Variants in ARFIP1 observed in about 807,000 individuals in gnomAD.
ARFIP1 encodes the protein ARF interacting protein 1, also known as arfaptin-1.
ARFIP1 carries 24 observed loss-of-function variants against 42.5 expected under a neutral mutation model. That is an observed-to-expected ratio of 0.57 (90% CI 0.41 to 0.80). The LOEUF (loss-of-function observed/expected upper bound fraction) is 0.80, where lower values mean the gene tolerates loss of function less well. Ranked by LOEUF, ARFIP1 falls within the 30% of genes least tolerant of loss-of-function variation. ARFIP1 has a pLI of 0.00. For synonymous variants in ARFIP1, 141 were observed against 153.7 expected (o/e 0.92, Z 0.61); for missense variants, 354 against 434.0 (o/e 0.82, Z 1.64).
In ARFIP1 at chr4:152,851,138, G is replaced by A. The variant is rs1273906273; in HGVS notation, c.94-12468G>A. Among the ~76,000 whole-genome samples the A allele has an allele frequency of 2.0e-5, 3 of 152,200 alleles. 1 individual carries two copies. The highest frequency in any genetic ancestry group is 4.1e-4 in the South Asian group (2 of 4,828). On this transcript the variant is annotated intron_variant, in intron 2 of 8. Coordinates refer to ENST00000353617, the MANE Select transcript of ARFIP1 (RefSeq NM_001025595.3). ...AAATTTCTTGCCAAATGAAGTAATA[G>A]ACACTCTGCTAGATGTCAAGAATAC...
At chr4:152,868,749 T>C (rs1734619501) in intron 3 of ARFIP1, among the ~76,000 whole-genome samples, 1 of 152,196 alleles carries the variant, frequency 6.6e-6, no homozygotes, top group South Asian at 2.1e-4. Context: ...TTAGAATCCC[T>C]TATGCCTTGG....
At chr4:152,808,283 ATTTTTTTTTTTTTTTT>A (rs61135783) in intron 1 of ARFIP1, among the ~76,000 whole-genome samples, 277 of 20,322 alleles carry the variant, frequency 0.014, 6 homozygotes, top group Middle Eastern at 0.038. Flanking sequence ...CCTGGCCTCC[ATTTTTTTTTTTTTTTT>A]TTTTTTTTTT....
At chr4:152,874,738 C>T (rs1253788885) in intron 5 of ARFIP1, among the ~76,000 whole-genome samples, 1 of 152,180 alleles carries the variant, frequency 6.6e-6, no homozygotes, top group African/African-American at 2.4e-5. Context: ...GATCATGGAT[C>T]ACTGCAACCA....
At chr4:152,910,028 T>C in intron 8 of ARFIP1, 36 bp from the exon 9 acceptor site, 1 of 1,603,362 alleles carries the variant, frequency 6.2e-7, no homozygotes, top group South Asian at 1.1e-5. Flanking sequence ...GTTATTGGTG[T>C]TAATGCTTGG....
intron 2 of ARFIP1, among the ~76,000 whole-genome samples, chr4:152,849,611 T>C (rs758084794): frequency 7.9e-5 from 12 of 152,092 alleles, no homozygotes; most frequent in Admixed American, 1.3e-4. Flanking sequence ...TCTTGTTAAA[T>C]ATTGTTGAAT....
At chr4:152,802,838 T>C (rs1396129736) in intron 1 of ARFIP1, among the ~76,000 whole-genome samples, 1 of 152,222 alleles carries the variant, frequency 6.6e-6, no homozygotes, top group Non-Finnish European at 1.5e-5. Context: ...ATGACTCTTA[T>C]TTTCCATATG....
chr4:152,850,833 T>A (rs950446936), intron 2 of ARFIP1: 2 of 152,160 alleles, frequency 1.3e-5, no homozygotes, highest in Non-Finnish European at 2.9e-5. Flanking sequence ...AGATAATCAG[T>A]TTTATAAAAC....
intron 2 of ARFIP1, among the ~76,000 whole-genome samples, chr4:152,837,592 A>G (rs112867815): frequency 0.016 from 2,420 of 152,108 alleles, 60 homozygotes; most frequent in African/African-American, 0.055. Context: ...AGAATTGTCT[A>G]TTCATATCTT....
chr4:152,889,524 TATATATATATAC>T lies in ARFIP1; in HGVS notation c.966+1219_966+1230del, dbSNP rs772351484. ...ATATATATATATATATATATATATA[TATATATATATAC>T]ACCTATTTTTGTGTGTGTGTGTATA... On this transcript the variant is annotated intron_variant, in intron 8 of 8. Transcript: ENST00000353617. Among the ~76,000 whole-genome samples the T allele has an allele frequency of 6.7e-3, 586 of 87,732 alleles. 27 individuals are homozygous for T. Among genetic ancestry groups the T allele is most frequent in the African/African-American group, 0.012 (279 of 24,024 alleles). 57.6% of individuals were successfully genotyped at this position (87,732 alleles called of 152,430 possible). A position where few individuals can be genotyped will look rare whatever the true frequency, so the allele number is the denominator to read the frequency against.
rs377016059 is a variant in ARFIP1, at chr4:152,887,314, T to C, written c.792-819T>C. Among the ~76,000 whole-genome samples, 8 of 152,094 alleles carry C rather than the reference T, an allele frequency of 5.3e-5. No individual in the cohort carries two copies. In the East Asian group the frequency reaches 5.8e-4, roughly 11 times the overall value. On this transcript the variant is annotated intron_variant, in intron 7 of 8. Coordinates refer to ENST00000353617, the MANE Select transcript of ARFIP1 (RefSeq NM_001025595.3). ...GGGAGAATATCAGAGTGAGGCATCT[T>C]ACAGAACACAGGATGGTAAGTGCTC...
At chr4:152,852,819 A>T (rs1177583280) in intron 2 of ARFIP1, among the ~76,000 whole-genome samples, 2 of 152,214 alleles carry the variant, frequency 1.3e-5, no homozygotes, top group African/African-American at 4.8e-5. Context: ...TGTTTCATTT[A>T]GCTGCCAAAC....
chr4:152,898,285 A>G (rs1332528452), intron 8 of ARFIP1, among the ~76,000 whole-genome samples: 5 of 152,002 alleles, frequency 3.3e-5, no homozygotes, highest in Non-Finnish European at 5.9e-5. Context: ...CCCGGCTGCA[A>G]TGTTCTTTTT....
intron 8 of ARFIP1, among the ~76,000 whole-genome samples, chr4:152,891,892 A>G (rs1196640261): frequency 6.6e-6 from 1 of 151,532 alleles, no homozygotes; most frequent in Non-Finnish European, 1.5e-5. Flanking sequence ...TTTTTCTAGT[A>G]GAAACAGGTT....
At chr4:152,859,151 G>A (rs967572223) in intron 2 of ARFIP1, among the ~76,000 whole-genome samples, 20 of 152,030 alleles carry the variant, frequency 1.3e-4, no homozygotes, top group African/African-American at 1.9e-4. Context: ...AGCCTCCGTC[G>A]CCTGGGCTCA....
At chr4:152,866,948 A>C (rs1427140795) in intron 3 of ARFIP1, among the ~76,000 whole-genome samples, 14 of 142,548 alleles carry the variant, frequency 9.8e-5, no homozygotes, top group South Asian at 2.3e-4. Flanking sequence ...GGCGGCCGGG[A>C]AGAGGCGCTC....
At chr4:152,895,914 T>C (rs969514654) in intron 8 of ARFIP1, among the ~76,000 whole-genome samples, 1 of 152,160 alleles carries the variant, frequency 6.6e-6, no homozygotes, top group African/African-American at 2.4e-5. Context: ...AGAGGTATAA[T>C]GGTCTTACAC....
chr4:152,796,270 G>A, intron 1 of ARFIP1: 1 of 1,022,496 alleles, frequency 9.8e-7, no homozygotes, highest in East Asian at 2.4e-5. Context: ...GTAGGCAAAA[G>A]GTGGCTTTCA....
chr4:152,804,001 A>G (rs1728637182), intron 1 of ARFIP1, among the ~76,000 whole-genome samples: 2 of 135,984 alleles, frequency 1.5e-5, no homozygotes, highest in Non-Finnish European at 3.1e-5. Context: ...TATATAATAT[A>G]ACATGTAATA....
At chr4:152,903,064 A>C (rs562085490) in intron 8 of ARFIP1, among the ~76,000 whole-genome samples, 7 of 152,286 alleles carry the variant, frequency 4.6e-5, no homozygotes, top group African/African-American at 1.7e-4. Context: ...TTAATTGGTA[A>C]TTATTTCAAT....
Sources: gnomAD v4.1 joint callset for allele counts (sites outside exome capture counted in the v4.1 genomes callset) on GRCh38, gnomAD v4.1.1 for gene constraint, MANE v1.5 for transcripts, NCBI Gene and HGNC (gene_info 2026-07-23, HGNC 2026-07-21) for gene names.